The following ABHD15 variants were observed in gnomAD, a reference collection of about 807,000 sequenced individuals.
ABHD15 encodes the protein protein ABHD15.
A neutral mutation model predicts 34.4 loss-of-function variants in ABHD15; 34 were observed. That is an observed-to-expected ratio of 0.99 (90% CI 0.75 to 1.32). The LOEUF (loss-of-function observed/expected upper bound fraction) is 1.32. Ranked by LOEUF, ABHD15 falls within the 40% of genes most tolerant of loss-of-function variation. The pLI, the probability that ABHD15 is intolerant of heterozygous loss-of-function variation, is 0.00. For synonymous variants in ABHD15, 314 were observed against 299.2 expected (o/e 1.05, Z -0.51); for missense variants, 644 against 650.4 (o/e 0.99, Z 0.11).
chr17:29,562,486 C>T lies in ABHD15; in HGVS notation c.*75G>A, dbSNP rs1479239656. ...CTGGAGCTCCCTCTGTTCAGTCCGC[C>T]CCATCTTTCCAGGACTCCCCCTTGC... On this transcript the variant is annotated 3_prime_UTR_variant, in exon 2 of 2. Coordinates refer to ENST00000307201, the MANE Select transcript of ABHD15 (RefSeq NM_198147.3). 1.1e-5 allele frequency: 16 copies of T among 1,479,854 alleles called. No individual in the cohort carries two copies. The highest frequency in any genetic ancestry group is 4.0e-5 in the South Asian group (3 of 74,666). The allele number at this position is 1,479,854 out of a possible 1,614,324, so 91.7% of individuals were successfully genotyped here.
Position 29,562,878 on chromosome 17 carries a change from C to G in ABHD15, c.1090G>C (p.Gly364Arg). 1 of 1,614,122 alleles carries G rather than the reference C, an allele frequency of 6.2e-7. No homozygotes were observed. ...CICSADDPVC[G>R]PPDHTLTTEL... is the part of the protein sequence containing the mutation. The stretch of plus-strand genomic sequence containing the variant: ...GTTGTCAGAGTGTGGTCTGGGGGTC[C>G]ACACACGGGGTCGTCAGCACTGCAG... The change falls in exon 2 of 2, where the codon GGA becomes CGA. Residue 364 changes from glycine (G) to arginine (R), a missense_variant. Transcript: ENST00000307201.
In ABHD15 at chr17:29,566,681, C is replaced by G. The variant is rs758796085; in HGVS notation, c.286G>C (p.Gly96Arg). ...GGCCCGGAGAACCAGGAGCGCGGGC[C>G]GGCCTCCAGCGCCTCTGAGCGCCGC... The part of the protein sequence containing the change: ...ALRRSEALEA[G>R]PRSWFSGPHL... The change falls in exon 1 of 2, where the codon GGC (glycine) becomes CGC (arginine). Residue 96 changes from glycine to arginine, a missense_variant. Coordinates refer to ENST00000307201, the MANE Select transcript of ABHD15 (RefSeq NM_198147.3). 1.4e-5 allele frequency: 23 copies of G among 1,592,782 alleles called. No homozygotes were observed. The highest frequency in any genetic ancestry group is 1.9e-5 in the Non-Finnish European group (22 of 1,175,060).
chr17:29,562,630 C>T lies in ABHD15; in HGVS notation c.1338G>A (p.Gln446=). 1 of 1,614,118 alleles carries T rather than the reference C, an allele frequency of 6.2e-7. No individual in the cohort carries two copies. The highest frequency in any genetic ancestry group is 8.5e-7 in the Non-Finnish European group (1 of 1,180,016). The change falls in exon 2 of 2, where the codon CAG becomes CAA. Residue 446 remains glutamine, a synonymous_variant. Coordinates refer to ENST00000307201, the MANE Select transcript of ABHD15 (RefSeq NM_198147.3). ...TGGAAGAGGAAGAGACTTCCCGCCT[C>T]TGCAAGGCTCCCCCACGACGACGGC... is the stretch of plus-strand genomic sequence containing the variant. The part of the protein sequence containing the change: ...LGGRRRGGAL[Q]RREVSSSSNL...
Position 29,562,942 on chromosome 17 carries a change from G to A in ABHD15, c.1026C>T (p.Leu342=), listed in dbSNP as rs761726141. 5.6e-6 allele frequency: 9 copies of A among 1,614,098 alleles called. No homozygotes were observed. Among genetic ancestry groups the A allele is most frequent in the Non-Finnish European group, 7.6e-6 (9 of 1,180,048 alleles). ...GCACGGCTGCCTCATCGACATCCCG[G>A]AGCGGGTCGTTGCGGTCCCAGTAGG... ...WDTYWDRNDP[L]RDVDEAAVPV... The change falls in exon 2 of 2, where the codon CTC becomes CTT. Residue 342 remains leucine (L), a synonymous_variant. Coordinates refer to ENST00000307201, the MANE Select transcript of ABHD15 (RefSeq NM_198147.3).
Position 29,563,064 on chromosome 17 carries a change from T to C in ABHD15, c.904A>G (p.Thr302Ala), listed in dbSNP as rs145924627. Reference protein sequence around the residue: ...LSRYATALEDTVDTSRLFRSR... With the variant: ...LSRYATALEDAVDTSRLFRSR... ...CTGAACAGTCTGCTGGTGTCCACAG[T>C]GTCCTCCAGGGCTGTGGCATACCTG... The change falls in exon 2 of 2, where the codon ACT becomes GCT. Residue 302 changes from threonine to alanine, a missense_variant. Physicochemically the swap from Thr to Ala is moderately conservative, Grantham distance 58 (BLOSUM62 0). Transcript: ENST00000307201. 13,058 of 1,607,578 alleles carry C rather than the reference T, an allele frequency of 8.1e-3. 84 individuals are homozygous for C. Among genetic ancestry groups the C allele is most frequent in the Admixed American group, 0.012 (729 of 59,982 alleles).
rs2032642654 is a variant in ABHD15, at chr17:29,562,655, C to T, written c.1313G>A (p.Gly438Asp). 1.2e-6 allele frequency: 2 copies of T among 1,613,982 alleles called. No homozygotes were observed. Among genetic ancestry groups the T allele is most frequent in the South Asian group, 1.1e-5 (1 of 91,078 alleles). ...LSRHRASFLG[G>D]RRRGGALQRR... ...CTGCAAGGCTCCCCCACGACGACGG[C>T]CCCCAAGGAAGGAAGCTCTGTGCCT... Residue 438 changes from glycine to aspartate, a missense_variant, in exon 2 of 2, where the codon GGC (glycine) becomes GAC (aspartate). By Grantham distance (94) the Gly-to-Asp change is moderately conservative. Coordinates refer to ENST00000307201, the MANE Select transcript of ABHD15 (RefSeq NM_198147.3).
intron 1 of ABHD15, among the ~76,000 whole-genome samples, chr17:29,564,949 T>A (rs1172448142): frequency 6.6e-6 from 1 of 151,786 alleles, no homozygotes; most frequent in Non-Finnish European, 1.5e-5. Context: ...CAGAGTAAGA[T>A]CTTGCCTCAA....
rs1484007050 is a variant in ABHD15, at chr17:29,566,085, C to T, written c.881+1G>A. On this transcript the variant is annotated splice_donor_variant, in intron 1 of 1. Transcript: ENST00000307201. LOFTEE classifies it high-confidence loss of function. The stretch of plus-strand genomic sequence containing the variant: ...GCTGGTCTGCGGCCTCCGTTACCCA[C>T]CTGCTGAGGGCGATCTTCTGGTGGA... 3 of 1,528,258 alleles carry T rather than the reference C, an allele frequency of 2.0e-6. No homozygotes were observed. The highest frequency in any genetic ancestry group is 1.3e-5 in the South Asian group (1 of 77,832). 94.7% of individuals were successfully genotyped at this position (1,528,258 alleles called of 1,614,324 possible).
Position 29,566,961 on chromosome 17 carries a change from C to G in ABHD15, c.6G>C (p.Pro2=). ...TGAGCGCGAGGGCGGCGCCCCACGGCGGCATGGCGAAGCTGGAGAGCCCCG... is the reference window on the plus strand; with the variant it reads ...TGAGCGCGAGGGCGGCGCCCCACGGGGGCATGGCGAAGCTGGAGAGCCCCG... The part of the protein sequence containing the change: M[P]PWGAALALIL... The change falls in exon 1 of 2, where the codon CCG becomes CCC. Residue 2 remains proline (P), a synonymous_variant. Coordinates refer to ENST00000307201, the MANE Select transcript of ABHD15 (RefSeq NM_198147.3). 1 of 1,377,834 alleles carries G rather than the reference C, an allele frequency of 7.3e-7. No homozygotes were observed. The highest frequency in any genetic ancestry group is 9.3e-7 in the Non-Finnish European group (1 of 1,073,864). 85.4% of individuals were successfully genotyped at this position (1,377,834 alleles called of 1,614,324 possible).
chr17:29,566,962 G>C lies in ABHD15; in HGVS notation c.5C>G (p.Pro2Arg). Residue 2 changes from proline to arginine, a missense_variant, in exon 1 of 2, where the codon CCG (proline) becomes CGG (arginine). Transcript: ENST00000307201. M[P>R]PWGAALALIL... is the part of the protein sequence containing the mutation. ...GAGCGCGAGGGCGGCGCCCCACGGC[G>C]GCATGGCGAAGCTGGAGAGCCCCGG... 2 of 1,376,750 alleles carry C rather than the reference G, an allele frequency of 1.5e-6. No individual in the cohort carries two copies. The highest frequency in any genetic ancestry group is 3.0e-5 in the African/African-American group (2 of 65,828). The allele number at this position is 1,376,750 out of a possible 1,614,324, so 85.3% of individuals were successfully genotyped here. A position where few individuals can be genotyped will look rare whatever the true frequency, so the allele number is the denominator to read the frequency against.
intron 1 of ABHD15, 170 bp downstream of exon 1, chr17:29,565,916 C>G: frequency 1.1e-6 from 1 of 907,760 alleles, no homozygotes; most frequent in Non-Finnish European, 1.5e-6. Context: ...AAACCCGCTT[C>G]CCCGGTTCTG....
Position 29,566,229 on chromosome 17 carries a change from G to A in ABHD15, c.738C>T (p.Tyr246=), listed in dbSNP as rs201682778. ...EGSGSALLLS[Y]LGECGSSSYV... is the part of the protein sequence containing the mutation. ...AGCTGGAGGAGCCGCACTCGCCCAG[G>A]TAGGACAGGAGCAGCGCCGAGCCCG... is the stretch of plus-strand genomic sequence containing the variant. Residue 246 remains tyrosine, a synonymous_variant, in exon 1 of 2, where the codon TAC becomes TAT. Coordinates refer to ENST00000307201, the MANE Select transcript of ABHD15 (RefSeq NM_198147.3). 2.4e-5 allele frequency: 38 copies of A among 1,611,120 alleles called. 1 individual carries two copies. The Admixed American group carries it at 2.7e-4, about 11-fold the overall frequency.
intron 1 of ABHD15, among the ~76,000 whole-genome samples, chr17:29,563,967 C>T (rs1243970588): frequency 6.6e-6 from 1 of 152,244 alleles, no homozygotes; most frequent in Non-Finnish European, 1.5e-5. Flanking sequence ...CATGGGTGGG[C>T]ATTTCTCAGC....
At position 29,562,360 on chromosome 17, in the gene ABHD15, C is replaced by T. The variant is rs1256668911; in HGVS notation, c.*201G>A. ...AGGGATATGTTGAGCAGAGGCCAGG[C>T]AGGAGTTCTGCTGAGGATGAAGTGA... On this transcript the variant is annotated 3_prime_UTR_variant, in exon 2 of 2. Coordinates refer to ENST00000307201, the MANE Select transcript of ABHD15 (RefSeq NM_198147.3). The T allele has an allele frequency of 8.9e-6, 5 of 559,760 alleles. No individual in the cohort carries two copies. Among genetic ancestry groups the T allele is most frequent in the Non-Finnish European group, 1.2e-5 (4 of 326,016 alleles). 34.7% of individuals were successfully genotyped at this position (559,760 alleles called of 1,614,324 possible).
rs1161174328 is a variant in ABHD15 at position 29,561,613 on chromosome 17, G to T, written c.*948C>A. The T allele has an allele frequency of 6.6e-6, 1 of 152,470 alleles. No individual in the cohort carries two copies. Among genetic ancestry groups the T allele is most frequent in the East Asian group, 1.9e-4 (1 of 5,200 alleles). The allele number at this position is 152,470 out of a possible 1,614,324, so 9.4% of individuals were successfully genotyped here. On this transcript the variant is annotated 3_prime_UTR_variant, in exon 2 of 2. Transcript: ENST00000307201. ...GTCTCCTGGCTCTGGAAAGGGAGAG[G>T]CCAGTAGTAGGATCAGAAAAGGGAG...
intron 1 of ABHD15, 48 bp from the exon 2 acceptor site, chr17:29,563,134 T>A: frequency 6.4e-7 from 1 of 1,558,384 alleles, no homozygotes; most frequent in Non-Finnish European, 8.6e-7. Context: ...GAGGGAAGAA[T>A]GAGAACATCA....
Position 29,562,507 on chromosome 17 carries a change from C to T in ABHD15, c.*54G>A, listed in dbSNP as rs915424556. 1.7e-5 allele frequency: 26 copies of T among 1,544,774 alleles called. No individual in the cohort carries two copies. The African/African-American group carries it at 3.4e-4, about 20-fold the overall frequency. On this transcript the variant is annotated 3_prime_UTR_variant, in exon 2 of 2. Transcript: ENST00000307201. ...CCGCCCCATCTTTCCAGGACTCCCC[C>T]TTGCCCAGCTCTGTTTTTCTTTGCA...
In ABHD15 at chr17:29,562,484, G is replaced by GC; in HGVS notation, c.*76dup. 1.4e-6 allele frequency: 2 copies of GC among 1,468,262 alleles called. No individual in the cohort carries two copies. The highest frequency in any genetic ancestry group is 1.8e-6 in the Non-Finnish European group (2 of 1,091,486). 91.0% of individuals were successfully genotyped at this position (1,468,262 alleles called of 1,614,324 possible). The stretch of plus-strand genomic sequence containing the variant: ...AGCTGGAGCTCCCTCTGTTCAGTCC[G>GC]CCCCATCTTTCCAGGACTCCCCCTT... On this transcript the variant is annotated 3_prime_UTR_variant, in exon 2 of 2. Transcript: ENST00000307201.
Position 29,561,709 on chromosome 17 carries a change from G to C in ABHD15, c.*852C>G, listed in dbSNP as rs1379820666. The stretch of plus-strand genomic sequence containing the variant: ...GACTTAGAGAAAGTCCATATCTCAG[G>C]AGATAAACAGTTCTGGCTGCAGCTC... On this transcript the variant is annotated 3_prime_UTR_variant, in exon 2 of 2. Coordinates refer to ENST00000307201, the MANE Select transcript of ABHD15 (RefSeq NM_198147.3). The C allele has an allele frequency of 3.3e-5, 5 of 152,616 alleles. No homozygotes were observed. Among genetic ancestry groups the C allele is most frequent in the African/African-American group, 1.2e-4 (5 of 41,456 alleles). The allele number at this position is 152,616 out of a possible 1,614,324, so 9.5% of individuals were successfully genotyped here. A position where few individuals can be genotyped will look rare whatever the true frequency, so the allele number is the denominator to read the frequency against.
Sources: allele counts gnomAD v4.1 joint callset (sites outside exome capture counted in the v4.1 genomes callset), GRCh38; gene constraint gnomAD v4.1.1; transcripts MANE v1.5; gene names NCBI Gene and HGNC (gene_info 2026-07-23, HGNC 2026-07-21).